Variants in NCAPD3 observed in about 807,000 individuals in gnomAD.
NCAPD3 encodes non-SMC condensin II complex subunit D3.
In NCAPD3, 105 loss-of-function variants were observed where a neutral mutation model predicts 182.9. That is an observed-to-expected ratio of 0.57 (90% CI 0.49 to 0.68). The LOEUF is 0.68. NCAPD3 is among the 30% of genes least tolerant of loss of function. The probability of loss-of-function intolerance (pLI) is 0.00; values close to 1 mark genes in which losing one functional copy is unlikely to be tolerated. For missense variants in NCAPD3, 1,944 were observed against 1,837.0 expected (o/e 1.06, Z -1.07); for synonymous variants, 815 against 679.9 (o/e 1.20, Z -3.09).
chr11:134,156,402 G>A (rs1021688217), intron 32 of NCAPD3, among the ~76,000 whole-genome samples: 4 of 152,176 alleles, frequency 2.6e-5, no homozygotes, highest in Non-Finnish European at 5.9e-5. Context: ...TCTTCTTCCT[G>A]TAAGAGTTTT....
chr11:134,165,920 G>A (rs534901710), intron 27 of NCAPD3, among the ~76,000 whole-genome samples: 117 of 125,516 alleles, frequency 9.3e-4, no homozygotes, highest in Middle Eastern at 5.6e-3. Flanking sequence ...AGTGAGATGA[G>A]CTTGGGGGAG....
chr11:134,160,941 GTTT>G (rs779688618), intron 28 of NCAPD3, among the ~76,000 whole-genome samples: 4 of 148,848 alleles, frequency 2.7e-5, no homozygotes, highest in Non-Finnish European at 5.9e-5. Context: ...TCAAAGCTCT[GTTT>G]TTGTTTTTTT....
At chr11:134,181,265 A>G in intron 19 of NCAPD3, 81 bp from the exon 20 acceptor site, 1 of 899,004 alleles carries the variant, frequency 1.1e-6, no homozygotes, top group East Asian at 2.6e-5. Flanking sequence ...CTCAGAAGAA[A>G]CTATGATCTT....
At chr11:134,207,630 C>A (rs1297324005) in intron 7 of NCAPD3, among the ~76,000 whole-genome samples, 3 of 151,404 alleles carry the variant, frequency 2.0e-5, no homozygotes, top group South Asian at 4.2e-4. Flanking sequence ...GTAGTCCCAG[C>A]CACTAGGGGG....
chr11:134,156,975 G>T (rs1384201633), intron 32 of NCAPD3, 43 bp downstream of exon 32: 1 of 1,512,076 alleles, frequency 6.6e-7, no homozygotes, highest in East Asian at 2.3e-5. Flanking sequence ...ACGAATGCAG[G>T]AGAGACTGAG....
chr11:134,160,070 A>G lies in NCAPD3; in HGVS notation c.3689T>C (p.Val1230Ala). 6.2e-7 allele frequency: 1 copy of G among 1,613,530 alleles called. No individual in the cohort carries two copies. Among genetic ancestry groups the G allele is most frequent in the East Asian group, 2.2e-5 (1 of 44,860 alleles). The change falls in exon 29 of 35, where the codon GTG becomes GCG. Residue 1230 changes from valine (V) to alanine (A), a missense_variant. Coordinates refer to ENST00000534548, the MANE Select transcript of NCAPD3 (RefSeq NM_015261.3). ...LRELMHYLRE[V>A]MQDYRDELKD... is the part of the protein sequence containing the mutation. ...GAGCTCATCTCGGTAATCCTGCATC[A>G]CCTCCTGAAACAGAGCCAGGAGCAT...
In NCAPD3 at chr11:134,151,999, AAACC is replaced by A. The variant is rs1444888898; in HGVS notation, c.*941_*944del. On this transcript the variant is annotated 3_prime_UTR_variant, in exon 35 of 35. Coordinates refer to ENST00000534548, the MANE Select transcript of NCAPD3 (RefSeq NM_015261.3). ...AGATCTCAGTGGCATCCCATCCCCC[AAACC>A]AACCAACGCACATCATCACTTTGTA... is the stretch of plus-strand genomic sequence containing the variant. The A allele has an allele frequency of 3.9e-5, 6 of 152,190 alleles. No homozygotes were observed. Among genetic ancestry groups the A allele is most frequent in the African/African-American group, 9.7e-5 (4 of 41,438 alleles). 9.4% of individuals were successfully genotyped at this position (152,190 alleles called of 1,614,324 possible). A position where few individuals can be genotyped will look rare whatever the true frequency, so the allele number is the denominator to read the frequency against.
chr11:134,220,991 G>A (rs1938207444), intron 1 of NCAPD3, among the ~76,000 whole-genome samples: 1 of 152,186 alleles, frequency 6.6e-6, no homozygotes, highest in Non-Finnish European at 1.5e-5. Flanking sequence ...AGAGTTTTGG[G>A]AAAGGACACT....
rs955960326 is a variant in NCAPD3, at chr11:134,161,678, G to C, written c.3684+103C>G. On this transcript the variant is annotated intron_variant, in intron 28 of 34. Transcript: ENST00000534548. ...TAATGTTGGGTTTGCAGAATTTGGG[G>C]TTCTAATCATTCACGGATTGCCTGC... is the stretch of plus-strand genomic sequence containing the variant. 7 of 731,270 alleles carry C rather than the reference G, an allele frequency of 9.6e-6. No individual in the cohort carries two copies. The Admixed American group carries it at 1.4e-4, about 15-fold the overall frequency. 45.3% of individuals were successfully genotyped at this position (731,270 alleles called of 1,614,324 possible).
In NCAPD3 at chr11:134,152,646, C is replaced by A. The variant is rs1005415449; in HGVS notation, c.*298G>T. 7.5e-6 allele frequency: 2 copies of A among 267,150 alleles called. No homozygotes were observed. Among genetic ancestry groups the A allele is most frequent in the Non-Finnish European group, 1.4e-5 (2 of 144,070 alleles). The allele number at this position is 267,150 out of a possible 1,614,324, so 16.5% of individuals were successfully genotyped here. On this transcript the variant is annotated 3_prime_UTR_variant, in exon 35 of 35. Transcript: ENST00000534548. ...GTTTTAAAGTTGTGTTCCTTAAAGACCAGATTATAGCTTATCTGAATGGGC... is the reference window on the plus strand; with the variant it reads ...GTTTTAAAGTTGTGTTCCTTAAAGAACAGATTATAGCTTATCTGAATGGGC...
chr11:134,178,694 G>T lies in NCAPD3; in HGVS notation c.2722C>A (p.Pro908Thr), dbSNP rs765355523. 1.1e-5 allele frequency: 17 copies of T among 1,601,468 alleles called. No homozygotes were observed. Among genetic ancestry groups the T allele is most frequent in the Admixed American group, 8.4e-5 (5 of 59,234 alleles). ...GGCATGACAGAACCTCTGACCTGGG[G>T]GGGTGGCTGAGACGCTGGGGCCTCA... ...SSEAPASQPP[P>T]QVRGSVMPSV... Residue 908 changes from proline (P) to threonine (T), a missense_variant, in exon 22 of 35, where the codon CCC becomes ACC. Physicochemically the swap from Pro to Thr is conservative, Grantham distance 38. This residue lies in a region of NCAPD3 where 1,803 missense variants were observed against 1,674.6 expected (regional missense o/e 1.08). Coordinates refer to ENST00000534548, the MANE Select transcript of NCAPD3 (RefSeq NM_015261.3).
rs763709978 is a variant in NCAPD3, at chr11:134,158,057, G to C, written c.4045C>G (p.Leu1349Val). The part of the protein sequence containing the change: ...RLLPKARPMS[L>V]STIAILNSVK... ...GAATTCAGGATTGCAATGGTGCTCA[G>C]GGACATGGGCCTGTGGAGAACAGCC... Residue 1349 changes from leucine to valine, a missense_variant, in exon 31 of 35, where the codon CTG becomes GTG. Coordinates refer to ENST00000534548, the MANE Select transcript of NCAPD3 (RefSeq NM_015261.3). 9 of 1,613,920 alleles carry C rather than the reference G, an allele frequency of 5.6e-6. No homozygotes were observed. The South Asian group carries it at 7.7e-5, about 14-fold the overall frequency.
Position 134,204,242 on chromosome 11 carries a change from T to C in NCAPD3, c.1090-71A>G. 1 of 1,548,642 alleles carries C rather than the reference T, an allele frequency of 6.5e-7. No individual in the cohort carries two copies. The highest frequency in any genetic ancestry group is 1.2e-5 in the South Asian group (1 of 85,542). ...GATGGCTGAAACATATTCTGTAATATAAGTTGAAAGTCAGTGAGTACAACT... is the reference window on the plus strand; with the variant it reads ...GATGGCTGAAACATATTCTGTAATACAAGTTGAAAGTCAGTGAGTACAACT... On this transcript the variant is annotated intron_variant, in intron 9 of 34. Transcript: ENST00000534548. The surrounding 1 kb of genome is among the most constrained non-coding windows in gnomAD (Gnocchi z 4.3).
intron 8 of NCAPD3, among the ~76,000 whole-genome samples, chr11:134,205,847 TAGTG>T (rs1309835108): frequency 1.3e-5 from 2 of 152,230 alleles, no homozygotes; most frequent in African/African-American, 2.4e-5. Flanking sequence ...AAAAAGTCCT[TAGTG>T]AGAGACATTT....
chr11:134,193,987 C>T (rs1489657583), intron 15 of NCAPD3, 29 bp downstream of exon 15: 1 of 1,589,788 alleles, frequency 6.3e-7, no homozygotes, highest in African/African-American at 1.4e-5. Context: ...AAATACCATG[C>T]ATTACATATA....
In NCAPD3 at chr11:134,203,751, C is replaced by A. The variant is rs773668515; in HGVS notation, c.1371G>T (p.Ala457=). The change falls in exon 11 of 35, where the codon GCG becomes GCT. Residue 457 remains alanine, a synonymous_variant. Coordinates refer to ENST00000534548, the MANE Select transcript of NCAPD3 (RefSeq NM_015261.3). ...ACAGTGCCTTGCTGCGGACAGTAGG[C>A]GCCTTGTCTAAGCAACGATCAAACA... ...EIMFDRCLDK[A]PTVRSKALSS... 6.2e-7 allele frequency: 1 copy of A among 1,614,114 alleles called. No homozygotes were observed. The highest frequency in any genetic ancestry group is 8.5e-7 in the Non-Finnish European group (1 of 1,180,024).
chr11:134,218,943 CCT>C (rs1393885410), intron 2 of NCAPD3, among the ~76,000 whole-genome samples: 4 of 152,186 alleles, frequency 2.6e-5, no homozygotes, highest in African/African-American at 9.7e-5. Context: ...CCCACTGTAA[CCT>C]CTTTCACACA....
chr11:134,176,582 A>C (rs1303260949), intron 23 of NCAPD3, among the ~76,000 whole-genome samples, 196 bp from the exon 24 acceptor site: 1 of 152,244 alleles, frequency 6.6e-6, no homozygotes, highest in Admixed American at 6.5e-5. Context: ...CCACAGGAGA[A>C]AAATGACTCA....
intron 1 of NCAPD3, among the ~76,000 whole-genome samples, chr11:134,221,787 T>C (rs1032740111): frequency 7.2e-5 from 11 of 152,210 alleles, no homozygotes; most frequent in African/African-American, 2.7e-4. Context: ...TACACTCAAC[T>C]AGTTCCATCC....
Sources: gnomAD v4.1 joint callset for allele counts (sites outside exome capture counted in the v4.1 genomes callset) on GRCh38, gnomAD v4.1.1 for gene constraint, gnomAD v4.1.1 regional missense constraint, Gnocchi (gnomAD v3.1) non-coding constraint, MANE v1.5 for transcripts, NCBI Gene and HGNC (gene_info 2026-07-23, HGNC 2026-07-21) for gene names.